Variants in SAMM50 observed in about 807,000 individuals in gnomAD.
The protein encoded by SAMM50 is SAMM50 sorting and assembly machinery component.
A neutral mutation model predicts 66.9 loss-of-function variants in SAMM50; 47 were observed. The ratio of observed to expected loss-of-function variants is 0.70; its 90% confidence interval spans 0.56 to 0.90. The LOEUF (loss-of-function observed/expected upper bound fraction) is 0.90. Among genes scored for constraint, SAMM50 ranks in the 40% least tolerant of loss-of-function variants. SAMM50 has a pLI of 0.00. For missense variants in SAMM50, 535 were observed against 595.3 expected (o/e 0.90, Z 1.05); for synonymous variants, 191 against 214.1 (o/e 0.89, Z 0.94).
At chr22:43,981,487 A>G (rs1569032745) in intron 11 of SAMM50, 26 bp downstream of exon 11, 1 of 1,481,408 alleles carries the variant, frequency 6.8e-7, no homozygotes, top group Admixed American at 1.7e-5. Flanking sequence ...TGAATGGATA[A>G]TTTGCACATA....
chr22:43,978,361 G>A (rs555705400), intron 10 of SAMM50, among the ~76,000 whole-genome samples: 5 of 143,446 alleles, frequency 3.5e-5, no homozygotes, highest in African/African-American at 1.0e-4. Context: ...CATGAACTCC[G>A]GAGGCAGAGC....
chr22:43,971,000 A>G (rs997407612), intron 4 of SAMM50, among the ~76,000 whole-genome samples: 3 of 152,116 alleles, frequency 2.0e-5, no homozygotes, highest in Non-Finnish European at 2.9e-5. Context: ...CCCCGTCTCT[A>G]CTAAAAATAC....
At chr22:43,962,903 T>TA (rs1373787335) in intron 1 of SAMM50, among the ~76,000 whole-genome samples, 2 of 131,948 alleles carry the variant, frequency 1.5e-5, no homozygotes, top group African/African-American at 5.6e-5. Flanking sequence ...TTTTTTTTTT[T>TA]TTTTTTTTTT....
intron 10 of SAMM50, among the ~76,000 whole-genome samples, chr22:43,980,173 C>CACCT (rs1346440323): frequency 1.0e-4 from 2 of 19,524 alleles, no homozygotes; most frequent in African/African-American, 2.7e-4. Context: ...TTCACCCACC[C>CACCT]ACCCACCCAC....
In SAMM50 at chr22:43,996,327, C is replaced by T. The variant is rs200246629; in HGVS notation, c.1365-11C>T. 7 of 1,614,042 alleles carry T rather than the reference C, an allele frequency of 4.3e-6. No individual in the cohort carries two copies. In the East Asian group the frequency reaches 1.3e-4, roughly 31 times the overall value. On this transcript the variant is annotated splice_polypyrimidine_tract_variant and intron_variant, in intron 14 of 14. Coordinates refer to ENST00000350028, the MANE Select transcript of SAMM50 (RefSeq NM_015380.5). ...AGCGGCCGCCGCATCTGATCTCTCC[C>T]CTTTTTTTAGGATATGTGATGGCGT...
chr22:43,960,931 G>T (rs2050144598), intron 1 of SAMM50, among the ~76,000 whole-genome samples: 1 of 152,138 alleles, frequency 6.6e-6, no homozygotes, highest in Non-Finnish European at 1.5e-5. Context: ...CTGAATGTGC[G>T]GGTGGAGCGG....
intron 3 of SAMM50, among the ~76,000 whole-genome samples, chr22:43,966,330 T>G (rs1164688787): frequency 6.6e-6 from 1 of 152,040 alleles, no homozygotes; most frequent in Non-Finnish European, 1.5e-5. Flanking sequence ...GCAGCCGTAT[T>G]GCTCTGCAAA....
rs2050264552 is a variant in SAMM50, at chr22:43,981,476, A to G, written c.1007+15A>G. ...ATTGCTGATAGGTAAGTACTAATCA[A>G]TGAATGGATAATTTGCACATATTTT... On this transcript the variant is annotated intron_variant, in intron 11 of 14. Transcript: ENST00000350028. 1.3e-6 allele frequency: 2 copies of G among 1,545,914 alleles called. No homozygotes were observed. Among genetic ancestry groups the G allele is most frequent in the African/African-American group, 1.4e-5 (1 of 73,562 alleles).
chr22:43,982,465 C>T (rs918378982), intron 11 of SAMM50, among the ~76,000 whole-genome samples: 1 of 152,114 alleles, frequency 6.6e-6, no homozygotes, highest in African/African-American at 2.4e-5. Flanking sequence ...GATCCCTTTC[C>T]AGCGTGCATG....
chr22:43,955,971 T>C (rs1220222771), intron 1 of SAMM50, among the ~76,000 whole-genome samples: 1 of 152,226 alleles, frequency 6.6e-6, no homozygotes, highest in African/African-American at 2.4e-5. Context: ...GCTGGAGCCA[T>C]TGTAGGCTCC....
rs759557864 is a variant in SAMM50, at chr22:43,983,287, T to C, written c.1008-646T>C. 2.0e-5 allele frequency among the ~76,000 whole-genome samples: 3 copies of C among 152,206 alleles called. No individual in the cohort carries two copies. Among genetic ancestry groups the C allele is most frequent in the Non-Finnish European group, 2.9e-5 (2 of 68,040 alleles). ...TCATTTAAATTCATTTTTTAGTAAT[T>C]ATCATAATCTAAAATCGGGTTCTAA... On this transcript the variant is annotated intron_variant, in intron 11 of 14. Transcript: ENST00000350028. This position sits in a 1 kb window ranked among gnomAD's most constrained non-coding sequence, Gnocchi z 4.2.
chr22:43,976,269 G>T (rs1316371551), intron 8 of SAMM50, 86 bp downstream of exon 8: 5 of 1,489,830 alleles, frequency 3.4e-6, no homozygotes, highest in Non-Finnish European at 4.6e-6. Flanking sequence ...CAATATCAGG[G>T]CTGACTGAGA....
chr22:43,965,672 TATG>T (rs1334468403), intron 3 of SAMM50, among the ~76,000 whole-genome samples: 2 of 152,204 alleles, frequency 1.3e-5, no homozygotes, highest in Non-Finnish European at 2.9e-5. Context: ...GTTTCCTAGA[TATG>T]TTGTACGAGT....
intron 3 of SAMM50, among the ~76,000 whole-genome samples, chr22:43,967,235 G>T (rs753080153): frequency 1.7e-4 from 26 of 152,180 alleles, no homozygotes; most frequent in Non-Finnish European, 1.9e-4. Context: ...CAGCTCCTCT[G>T]TGTTGAGCTG....
intron 9 of SAMM50, among the ~76,000 whole-genome samples, chr22:43,977,662 T>C (rs1410959434): frequency 6.6e-6 from 1 of 152,240 alleles, no homozygotes; most frequent in Non-Finnish European, 1.5e-5. Flanking sequence ...GGGCAGCCTC[T>C]GCACCTCTTG....
In SAMM50 at chr22:43,990,274, C is replaced by A; in HGVS notation, c.1232C>A (p.Pro411His). 5 of 1,614,162 alleles carry A rather than the reference C, an allele frequency of 3.1e-6. No individual in the cohort carries two copies. The highest frequency in any genetic ancestry group is 4.2e-6 in the Non-Finnish European group (5 of 1,180,036). ...NLCNLNYGEG[P>H]KAHIRKLAEC... ...GTCTTTCTCTTTTCAGGGGAGGGCC[C>A]CAAAGCTCATATTCGTAAGCTGGCT... is the stretch of plus-strand genomic sequence containing the variant. Residue 411 changes from proline to histidine, a missense_variant, in exon 14 of 15, where the codon CCC becomes CAC. Transcript: ENST00000350028.
At position 43,983,772 on chromosome 22, in the gene SAMM50, T is replaced by C. The variant is rs56145707; in HGVS notation, c.1008-161T>C. Reference sequence around the variant, plus strand: ...AGATTTTTATGAAATTCCCCTGTAGTGTGCACCCTCTTGGTCTTTCTCAAA... The same window carrying C: ...AGATTTTTATGAAATTCCCCTGTAGCGTGCACCCTCTTGGTCTTTCTCAAA... On this transcript the variant is annotated intron_variant, in intron 11 of 14. Transcript: ENST00000350028. This position sits in a 1 kb window ranked among gnomAD's most constrained non-coding sequence, Gnocchi z 4.2. Among the ~76,000 whole-genome samples the C allele has an allele frequency of 5.1e-3, 779 of 152,346 alleles. 6 individuals carry two copies. The highest frequency in any genetic ancestry group is 8.8e-3 in the Non-Finnish European group (596 of 68,036).
intron 1 of SAMM50, chr22:43,957,067 A>T: frequency 9.8e-7 from 1 of 1,021,162 alleles, no homozygotes; most frequent in Non-Finnish European, 1.5e-6. Context: ...TTTGCTGGCT[A>T]TAAGTGGAGT....
intron 3 of SAMM50, among the ~76,000 whole-genome samples, chr22:43,965,274 C>T (rs2050167389): frequency 6.6e-6 from 1 of 151,578 alleles, no homozygotes; most frequent in African/African-American, 2.4e-5. Flanking sequence ...GACACAATCT[C>T]AGCTCACTGC....
Sources: allele counts gnomAD v4.1 joint callset (sites outside exome capture counted in the v4.1 genomes callset), GRCh38; gene constraint gnomAD v4.1.1; non-coding constraint Gnocchi (gnomAD v3.1); transcripts MANE v1.5; gene names NCBI Gene and HGNC (gene_info 2026-07-23, HGNC 2026-07-21).